Variants in KIAA1217 observed in about 807,000 individuals in gnomAD.
The protein encoded by KIAA1217 is KIAA1217, also known as sickle tail protein homolog.
Under a neutral mutation model 163.9 loss-of-function variants are expected in KIAA1217, and 88 were observed. The ratio of observed to expected loss-of-function variants is 0.54; its 90% CI spans 0.45 to 0.64. KIAA1217 has a LOEUF of 0.64. KIAA1217 is among the 30% of genes least tolerant of loss of function. KIAA1217 has a pLI of 0.00. For synonymous variants in KIAA1217, 903 were observed against 923.1 expected (o/e 0.98, Z 0.39); for missense variants, 2,372 against 2,475.0 (o/e 0.96, Z 0.88).
In KIAA1217 at chr10:23,748,480, G is replaced by GCAAT. The variant is rs544558942; in HGVS notation, c.-321+53246_-321+53247insCAAT. Among the ~76,000 whole-genome samples, 23 of 146,362 alleles carry GCAAT rather than the reference G, an allele frequency of 1.6e-4. No individual in the cohort carries two copies. In the South Asian group the frequency reaches 4.9e-3, roughly 31 times the overall value. On this transcript the variant is annotated intron_variant, in intron 1 of 18. Coordinates refer to the KIAA1217 transcript ENST00000376462. ...AGGAAGCAAGGAAGGAAGGAAGGAA[G>GCAAT]GAAGGAAGGAAAGAAGGGAAAGGAG...
chr10:24,228,599 G>A (rs986846275), intron 2 of KIAA1217, among the ~76,000 whole-genome samples: 56 of 152,216 alleles, frequency 3.7e-4, no homozygotes, highest in African/African-American at 1.3e-3. Flanking sequence ...CCATGACAGA[G>A]AGAGACAGAG....
At chr10:24,349,137 A>G (rs1278686044) in intron 2 of KIAA1217, among the ~76,000 whole-genome samples, 2 of 150,684 alleles carry the variant, frequency 1.3e-5, no homozygotes, top group Non-Finnish European at 3.0e-5. Flanking sequence ...TGTCTCAAAA[A>G]AAAAAAAAAA....
intron 2 of KIAA1217, among the ~76,000 whole-genome samples, chr10:24,306,097 G>A (rs1266010220): frequency 6.6e-6 from 1 of 152,156 alleles, no homozygotes; most frequent in East Asian, 1.9e-4. Flanking sequence ...ACTGGTAAAT[G>A]TCCAAGAAAA....
At chr10:23,725,449 C>T (rs186718718) in intron 1 of KIAA1217, among the ~76,000 whole-genome samples, 11 of 152,278 alleles carry the variant, frequency 7.2e-5, no homozygotes, top group African/African-American at 2.4e-4. Flanking sequence ...ATTATACTTC[C>T]CCCATCCTTT....
intron 1 of KIAA1217, among the ~76,000 whole-genome samples, chr10:23,882,839 G>A (rs1841009238): frequency 6.6e-6 from 1 of 151,900 alleles, no homozygotes; most frequent in Non-Finnish European, 1.5e-5. Context: ...GATTCCTCAT[G>A]AAAATGGGTT....
intron 9 of KIAA1217, 74 bp downstream of exon 9, chr10:24,501,619 G>A: frequency 2.9e-6 from 4 of 1,387,718 alleles, no homozygotes; most frequent in African/African-American, 1.4e-5. Context: ...TAGGGGCTCC[G>A]TGAAGACCTA....
At chr10:24,288,808 C>T (rs916786692) in intron 2 of KIAA1217, among the ~76,000 whole-genome samples, 1 of 152,102 alleles carries the variant, frequency 6.6e-6, no homozygotes, top group South Asian at 2.1e-4. Context: ...ACAGCTGGGG[C>T]TGAATCAATG....
At chr10:23,873,980 G>A (rs1265831402) in intron 1 of KIAA1217, among the ~76,000 whole-genome samples, 2 of 151,930 alleles carry the variant, frequency 1.3e-5, no homozygotes, top group African/African-American at 4.8e-5. Context: ...TGGTAAGAAT[G>A]TGTCTAATGT....
intron 1 of KIAA1217, among the ~76,000 whole-genome samples, chr10:23,864,375 T>A (rs1840086617): frequency 6.6e-6 from 1 of 152,086 alleles, no homozygotes; most frequent in African/African-American, 2.4e-5. Flanking sequence ...TTCAGTATCT[T>A]CTCTCAATTG....
chr10:24,275,500 T>A (rs561885901), intron 2 of KIAA1217, among the ~76,000 whole-genome samples: 1 of 152,340 alleles, frequency 6.6e-6, no homozygotes, highest in African/African-American at 2.4e-5. Context: ...TTGTCCACTG[T>A]CCTGCCATGT....
At chr10:23,810,612 A>ATG (rs1283965603) in intron 1 of KIAA1217, among the ~76,000 whole-genome samples, 2 of 130,158 alleles carry the variant, frequency 1.5e-5, no homozygotes, top group Non-Finnish European at 3.1e-5. Flanking sequence ...TAAATTATAT[A>ATG]AATATATAGT....
At chr10:23,762,755 A>T (rs1306077193) in intron 1 of KIAA1217, among the ~76,000 whole-genome samples, 1 of 152,150 alleles carries the variant, frequency 6.6e-6, no homozygotes, top group Non-Finnish European at 1.5e-5. Context: ...ATACTATTGG[A>T]ATTTCTGGCC....
At chr10:24,338,240 G>A (rs186664683) in intron 2 of KIAA1217, among the ~76,000 whole-genome samples, 37 of 152,256 alleles carry the variant, frequency 2.4e-4, no homozygotes, top group Non-Finnish European at 4.9e-4. Flanking sequence ...AAAGAGGCCC[G>A]AGACAGCTAT....
chr10:24,457,402 C>T (rs777468739), intron 5 of KIAA1217, among the ~76,000 whole-genome samples: 3 of 148,584 alleles, frequency 2.0e-5, no homozygotes, highest in East Asian at 4.1e-4. Flanking sequence ...GGAACAGGAT[C>T]GTATTCTGTC....
In KIAA1217 at chr10:24,009,772, T is replaced by G. The variant is rs575542735; in HGVS notation, c.-171+2398T>G. ...AAATGACTACCTCTTAGCCTGTAGT[T>G]AATATTTCTGGCTCTTGACACTTGT... is the stretch of plus-strand genomic sequence containing the variant. On this transcript the variant is annotated intron_variant, in intron 2 of 18. Coordinates refer to the KIAA1217 transcript ENST00000376462. Among the ~76,000 whole-genome samples the G allele has an allele frequency of 1.2e-4, 19 of 152,306 alleles. No individual in the cohort carries two copies. In the South Asian group the frequency reaches 3.9e-3, roughly 32 times the overall value.
intron 2 of KIAA1217, among the ~76,000 whole-genome samples, chr10:24,295,451 C>G (rs566460734): frequency 7.9e-5 from 12 of 152,266 alleles, no homozygotes; most frequent in Admixed American, 7.8e-4. Context: ...TTTATTTCTT[C>G]TGGACTATTT....
chr10:24,263,593 A>T (rs1016199985), intron 2 of KIAA1217, among the ~76,000 whole-genome samples: 1 of 152,086 alleles, frequency 6.6e-6, no homozygotes, highest in Non-Finnish European at 1.5e-5. Flanking sequence ...AGCCAAAGGT[A>T]TATTATCTGT....
intron 1 of KIAA1217, among the ~76,000 whole-genome samples, chr10:23,985,448 A>G (rs895670785): frequency 1.3e-5 from 2 of 152,138 alleles, no homozygotes; most frequent in Non-Finnish European, 1.5e-5. Context: ...GTTGTTATGA[A>G]TATTTTTCCA....
At chr10:24,494,435 A>G in intron 6 of KIAA1217, 65 bp from the exon 7 acceptor site, 2 of 1,351,514 alleles carry the variant, frequency 1.5e-6, no homozygotes, top group South Asian at 1.2e-5. Context: ...CAGGTGGTGC[A>G]TTCACCCGGA....
Sources: gnomAD v4.1 joint callset for allele counts (sites outside exome capture counted in the v4.1 genomes callset) on GRCh38, gnomAD v4.1.1 for gene constraint, MANE v1.5 for transcripts, NCBI Gene and HGNC (gene_info 2026-07-23, HGNC 2026-07-21) for gene names.